Variants in PLEK observed in about 807,000 individuals in gnomAD.
PLEK encodes the protein pleckstrin, also known as platelet 47 kDa protein.
Under a neutral mutation model 43.9 loss-of-function variants are expected in PLEK, and 25 were observed. The ratio of observed to expected loss-of-function variants is 0.57; its 90% CI spans 0.41 to 0.79. The LOEUF is 0.79. PLEK is among the 30% of genes least tolerant of loss of function. The probability of loss-of-function intolerance (pLI) is 0.00; values close to 1 mark genes in which losing one functional copy is unlikely to be tolerated. For synonymous variants in PLEK, 152 were observed against 144.4 expected (o/e 1.05, Z -0.38); for missense variants, 396 against 413.3 (o/e 0.96, Z 0.36).
chr2:68,385,760 T>C (rs1673728813), intron 4 of PLEK, among the ~76,000 whole-genome samples: 2 of 152,220 alleles, frequency 1.3e-5, no homozygotes, highest in African/African-American at 4.8e-5. Flanking sequence ...CTATGAATCT[T>C]TTCCTGATGG....
intron 1 of PLEK, among the ~76,000 whole-genome samples, chr2:68,376,721 G>GAGA (rs1336034241): frequency 6.6e-6 from 1 of 152,100 alleles, no homozygotes; most frequent in African/African-American, 2.4e-5. Flanking sequence ...TAACACCATG[G>GAGA]AGAATGGGGT....
At chr2:68,381,358 C>T (rs1010883675) in intron 3 of PLEK, among the ~76,000 whole-genome samples, 1 of 152,158 alleles carries the variant, frequency 6.6e-6, no homozygotes, top group Admixed American at 6.5e-5. Flanking sequence ...CATTTATGTC[C>T]TGACCCAGTT....
At position 68,388,367 on chromosome 2, in the gene PLEK, G is replaced by A. The variant is rs370248740; in HGVS notation, c.658-20G>A. 28 of 1,418,638 alleles carry A rather than the reference G, an allele frequency of 2.0e-5. No homozygotes were observed. In the East Asian group the frequency reaches 3.9e-4, roughly 20 times the overall value. 87.9% of individuals were successfully genotyped at this position (1,418,638 alleles called of 1,614,324 possible). On this transcript the variant is annotated intron_variant, in intron 5 of 8. Coordinates refer to ENST00000234313, the MANE Select transcript of PLEK (RefSeq NM_002664.3). ...TGCCTAAGACTGGTGATGTTAGCTT[G>A]CTGTTTGATTTTCCAACAGCCAGAC...
rs78664456 is a variant in PLEK, at chr2:68,369,450, C to A, written c.42+4057C>A. On this transcript the variant is annotated intron_variant, in intron 1 of 8. Transcript: ENST00000234313. ...TACCCAGGGGAACATTATGCCAGAG[C>A]GACTCCACAGTGTTGCCTACAAAAC... 9.4e-4 allele frequency among the ~76,000 whole-genome samples: 142 copies of A among 151,274 alleles called. 2 individuals carry two copies. In the South Asian group the frequency reaches 0.013, roughly 13 times the overall value.
Position 68,380,915 on chromosome 2 carries a change from G to A in PLEK, c.380+11G>A, listed in dbSNP as rs1334838583. 1.2e-6 allele frequency: 2 copies of A among 1,609,254 alleles called. No individual in the cohort carries two copies. The stretch of plus-strand genomic sequence containing the variant: ...AACCATTGACTTAGGGTGATTTTCT[G>A]TGTTTACTTCTCTTTACCCATTCCT... On this transcript the variant is annotated intron_variant, in intron 3 of 8. Transcript: ENST00000234313.
chr2:68,387,605 C>A (rs1182208291), intron 5 of PLEK, among the ~76,000 whole-genome samples: 1 of 152,160 alleles, frequency 6.6e-6, no homozygotes, highest in African/African-American at 2.4e-5. Context: ...TGAACCTGTT[C>A]TTAGGCCATG....
intron 6 of PLEK, among the ~76,000 whole-genome samples, chr2:68,391,854 A>G (rs1253416769): frequency 1.3e-5 from 2 of 152,206 alleles, no homozygotes; most frequent in African/African-American, 4.8e-5. Context: ...TTCTGGAGTT[A>G]AGTCATTTGA....
chr2:68,384,867 A>T (rs1383189622), intron 4 of PLEK, among the ~76,000 whole-genome samples: 2 of 152,134 alleles, frequency 1.3e-5, no homozygotes, highest in African/African-American at 4.8e-5. Context: ...TGCAATTACC[A>T]CCCTGCCTCT....
chr2:68,382,392 G>A (rs1435318401), intron 3 of PLEK, 150 bp from the exon 4 acceptor site: 2 of 585,682 alleles, frequency 3.4e-6, no homozygotes, highest in Non-Finnish European at 6.1e-6. Context: ...CTTATGATCT[G>A]ATGGAGGGAG....
intron 8 of PLEK, among the ~76,000 whole-genome samples, chr2:68,394,737 C>A (rs1202176264): frequency 6.6e-6 from 1 of 152,162 alleles, no homozygotes; most frequent in East Asian, 1.9e-4. Flanking sequence ...GGGGGTTGCA[C>A]TAGAGGACCC....
chr2:68,373,515 C>T (rs189413591), intron 1 of PLEK, among the ~76,000 whole-genome samples: 3 of 151,416 alleles, frequency 2.0e-5, no homozygotes, highest in South Asian at 4.2e-4. Context: ...CAACATGGCA[C>T]GTGTATACAT....
Position 68,394,824 on chromosome 2 carries a change from T to C in PLEK, c.916+648T>C, listed in dbSNP as rs181738102. The stretch of plus-strand genomic sequence containing the variant: ...TGACTTCTCAGGTGCTGAGGACAAA[T>C]TGTATCTCTGGGGTGATGTGGTTTT... On this transcript the variant is annotated intron_variant, in intron 8 of 8. Transcript: ENST00000234313. Among the ~76,000 whole-genome samples the C allele has an allele frequency of 3.4e-3, 514 of 152,268 alleles. 1 individual carries two copies. The highest frequency in any genetic ancestry group is 5.9e-3 in the Admixed American group (91 of 15,304).
chr2:68,369,829 C>T (rs1673363342), intron 1 of PLEK, among the ~76,000 whole-genome samples: 1 of 152,196 alleles, frequency 6.6e-6, no homozygotes. Context: ...AGAAGTCATG[C>T]TGTTAAGCAC....
At position 68,380,393 on chromosome 2, in the gene PLEK, TA is replaced by T. The variant is rs770046679; in HGVS notation, c.110del (p.Lys37ArgfsTer11). On this transcript the variant is annotated frameshift_variant, in exon 2 of 9. Coordinates refer to ENST00000234313, the MANE Select transcript of PLEK (RefSeq NM_002664.3). LOFTEE classifies it high-confidence loss of function. ...VLLEDGIEFY[K>X]KKSDNSPKGM... ...TGTTAGAAGATGGAATTGAATTCTA[TA>T]AGAAGAAAAGTGACAACAGCCCCAA... The T allele has an allele frequency of 6.2e-6, 10 of 1,613,540 alleles. No homozygotes were observed. The highest frequency in any genetic ancestry group is 8.5e-6 in the Non-Finnish European group (10 of 1,179,470).
At chr2:68,369,871 T>C (rs900026264) in intron 1 of PLEK, among the ~76,000 whole-genome samples, 4 of 152,246 alleles carry the variant, frequency 2.6e-5, no homozygotes, top group Non-Finnish European at 5.9e-5. Context: ...ACTTATTTAA[T>C]ATGTTTTCAC....
At chr2:68,365,462 C>A in intron 1 of PLEK, 69 bp downstream of exon 1, 1 of 1,148,604 alleles carries the variant, frequency 8.7e-7, no homozygotes, top group South Asian at 1.2e-5. Context: ...TCAGCTCCAC[C>A]GGCTACCTGC....
chr2:68,392,305 G>A (rs892918787), intron 6 of PLEK, among the ~76,000 whole-genome samples: 1 of 150,594 alleles, frequency 6.6e-6, no homozygotes, highest in Non-Finnish European at 1.5e-5. Context: ...ATGATTTTAT[G>A]CCTGGATTAT....
At chr2:68,371,447 T>G (rs1558495860) in intron 1 of PLEK, among the ~76,000 whole-genome samples, 1 of 152,320 alleles carries the variant, frequency 6.6e-6, no homozygotes, top group East Asian at 1.9e-4. Context: ...GAACTTAGTA[T>G]AGTTCTCCAG....
chr2:68,384,751 G>A (rs554327780), intron 4 of PLEK, among the ~76,000 whole-genome samples: 1 of 152,308 alleles, frequency 6.6e-6, no homozygotes, highest in African/African-American at 2.4e-5. Flanking sequence ...GAGCGTGGAT[G>A]CAAGGGTTAG....
Sources: gnomAD v4.1 joint callset for allele counts (sites outside exome capture counted in the v4.1 genomes callset) on GRCh38, gnomAD v4.1.1 for gene constraint, MANE v1.5 for transcripts, NCBI Gene and HGNC (gene_info 2026-07-23, HGNC 2026-07-21) for gene names.